Variants in LYZ observed in about 807,000 individuals in gnomAD.
LYZ encodes lysozyme C.
Under a neutral mutation model 15.8 loss-of-function variants are expected in LYZ, and 18 were observed. The ratio of observed to expected loss-of-function variants is 1.14; its 90% CI spans 0.79 to 1.69. The LOEUF (loss-of-function observed/expected upper bound fraction) is 1.69, where lower values mean the gene tolerates loss of function less well. LYZ is among the 40% of genes most tolerant of loss of function. The pLI, the probability that LYZ is intolerant of heterozygous loss-of-function variation, is 0.00. For missense variants in LYZ, 139 were observed against 182.8 expected, an observed-to-expected ratio of 0.76 and a Z score of 1.38; for synonymous variants, 60 against 61.7, an observed-to-expected ratio of 0.97 and a Z score of 0.13.
intron 2 of LYZ, among the ~76,000 whole-genome samples, chr12:69,351,494 T>C (rs1874843092): frequency 2.0e-5 from 3 of 152,070 alleles, no homozygotes; most frequent in Admixed American, 2.0e-4. Flanking sequence ...TAAATTCTGG[T>C]ATATATTCTT....
Position 69,350,180 on chromosome 12 carries a change from C to G in LYZ, c.209C>G (p.Thr70Ser), listed in dbSNP as rs1349579951. The change falls in exon 2 of 4, where the codon ACT becomes AGT. Residue 70 changes from threonine to serine, a missense_variant. Coordinates refer to ENST00000261267, the MANE Select transcript of LYZ (RefSeq NM_000239.3). ...AACTACAATGCTGGAGACAGAAGCA[C>G]TGATTATGGGATATTTCAGATCAAT... ...ATNYNAGDRS[T>S]DYGIFQINSR... 5.0e-6 allele frequency: 8 copies of G among 1,614,104 alleles called. No individual in the cohort carries two copies. The highest frequency in any genetic ancestry group is 1.7e-4 in the Middle Eastern group (1 of 6,060).
intron 1 of LYZ, among the ~76,000 whole-genome samples, chr12:69,349,337 A>G (rs1483514501): frequency 1.3e-5 from 2 of 152,114 alleles, no homozygotes; most frequent in African/African-American, 4.8e-5. Flanking sequence ...TTTTTAAAGA[A>G]TATATTGAAT....
chr12:69,352,263 G>C lies in LYZ; in HGVS notation c.345G>C (p.Lys115Asn). ...DNIADAVACA[K>N]RVVRDPQGIR... ...TCGCTGATGCTGTAGCTTGTGCAAA[G>C]AGGGTTGTCCGTGATCCACAAGGCA... The change falls in exon 3 of 4, where the codon AAG becomes AAC. Residue 115 changes from lysine (K) to asparagine (N), a missense_variant. Coordinates refer to ENST00000261267, the MANE Select transcript of LYZ (RefSeq NM_000239.3). The C allele has an allele frequency of 6.2e-7, 1 of 1,614,090 alleles. No individual in the cohort carries two copies.
chr12:69,351,461 ACC>A lies in LYZ; in HGVS notation c.302-757_302-756del, dbSNP rs1486662377. 3.3e-5 allele frequency among the ~76,000 whole-genome samples: 5 copies of A among 152,114 alleles called. No individual in the cohort carries two copies. The East Asian group carries it at 7.7e-4, about 23-fold the overall frequency. On this transcript the variant is annotated intron_variant, in intron 2 of 3. Coordinates refer to ENST00000261267, the MANE Select transcript of LYZ (RefSeq NM_000239.3). ...GAAAAATAACACCCATAATCTTACT[ACC>A]CAGAGGTTTATAACCATGGGTAAAT...
rs1419712729 is a variant in LYZ at position 69,348,539 on chromosome 12, CA to C, written c.134del (p.Asn45ThrfsTer67). 2 of 1,614,128 alleles carry C rather than the reference CA, an allele frequency of 1.2e-6. No homozygotes were observed. Among genetic ancestry groups the C allele is most frequent in the Non-Finnish European group, 8.5e-7 (1 of 1,180,024 alleles). On this transcript the variant is annotated frameshift_variant, in exon 1 of 4. Transcript: ENST00000261267. LOFTEE classifies it high-confidence loss of function. The part of the protein sequence containing the change: ...GMDGYRGISL[A>X]NWMCLAKWES... ...GATGGCTACAGGGGAATCAGCCTAG[CA>C]AACTGTAAGTCTACTCTCCATAATT...
At chr12:69,349,660 C>G (rs1874797435) in intron 1 of LYZ, among the ~76,000 whole-genome samples, 1 of 152,036 alleles carries the variant, frequency 6.6e-6, no homozygotes, top group African/African-American at 2.4e-5. Context: ...AACTTGATAT[C>G]CAAATTCACC....
Position 69,350,119 on chromosome 12 carries a change from G to T in LYZ, c.148G>T (p.Ala50Ser). ...TAAGTTCTTTTCAGGGATGTGTTTG[G>T]CCAAATGGGAGAGTGGTTACAACAC... The part of the protein sequence containing the change: ...GISLANWMCL[A>S]KWESGYNTRA... The change falls in exon 2 of 4, where the codon GCC becomes TCC. Residue 50 changes from alanine to serine, a missense_variant. Ala to Ser is a moderately conservative substitution (Grantham distance 99). Coordinates refer to ENST00000261267, the MANE Select transcript of LYZ (RefSeq NM_000239.3). 2 of 1,614,032 alleles carry T rather than the reference G, an allele frequency of 1.2e-6. No homozygotes were observed. Among genetic ancestry groups the T allele is most frequent in the Non-Finnish European group, 1.7e-6 (2 of 1,179,978 alleles).
chr12:69,352,143 C>A, intron 2 of LYZ, 77 bp from the exon 3 acceptor site: 1 of 943,344 alleles, frequency 1.1e-6, no homozygotes, highest in Non-Finnish European at 1.7e-6. Context: ...CACAGCCTAA[C>A]AGAAAAAAGC....
chr12:69,349,748 A>T (rs1378390973), intron 1 of LYZ, among the ~76,000 whole-genome samples: 2 of 152,190 alleles, frequency 1.3e-5, no homozygotes. Flanking sequence ...CCATCAGCCT[A>T]TGTATCTGCT....
chr12:69,352,343 T>A, intron 3 of LYZ, 45 bp downstream of exon 3: 1 of 1,460,138 alleles, frequency 6.8e-7, no homozygotes, highest in Non-Finnish European at 9.6e-7. Flanking sequence ...ACTCTACTGT[T>A]GATATATACA....
Position 69,353,321 on chromosome 12 carries a change from A to G in LYZ, c.*102A>G. The G allele has an allele frequency of 2.1e-6, 2 of 958,242 alleles. No individual in the cohort carries two copies. Among genetic ancestry groups the G allele is most frequent in the South Asian group, 2.6e-5 (2 of 77,370 alleles). The allele number at this position is 958,242 out of a possible 1,614,324, so 59.4% of individuals were successfully genotyped here. A position where few individuals can be genotyped will look rare whatever the true frequency, so the allele number is the denominator to read the frequency against. On this transcript the variant is annotated 3_prime_UTR_variant, in exon 4 of 4. Coordinates refer to ENST00000261267, the MANE Select transcript of LYZ (RefSeq NM_000239.3). Reference sequence around the variant, plus strand: ...ACCATTATTTCCCCTTCAAACAAATAATATTTTTACAGAAGCAGGAGCAAA... The same window carrying G: ...ACCATTATTTCCCCTTCAAACAAATGATATTTTTACAGAAGCAGGAGCAAA...
Position 69,353,324 on chromosome 12 carries a change from AT to A in LYZ, c.*110del. On this transcript the variant is annotated 3_prime_UTR_variant, in exon 4 of 4. Transcript: ENST00000261267. Reference sequence around the variant, plus strand: ...ATTATTTCCCCTTCAAACAAATAATATTTTTACAGAAGCAGGAGCAAAATAT... The same window carrying A: ...ATTATTTCCCCTTCAAACAAATAATATTTTACAGAAGCAGGAGCAAAATAT... 1 of 937,164 alleles carries A rather than the reference AT, an allele frequency of 1.1e-6. No individual in the cohort carries two copies. Among genetic ancestry groups the A allele is most frequent in the Non-Finnish European group, 1.8e-6 (1 of 565,834 alleles). The allele number at this position is 937,164 out of a possible 1,614,324, so 58.1% of individuals were successfully genotyped here.
chr12:69,348,509 G>GA lies in LYZ; in HGVS notation c.103dup (p.Met35AsnfsTer37), dbSNP rs781727930. 26 of 1,614,086 alleles carry GA rather than the reference G, an allele frequency of 1.6e-5. No individual in the cohort carries two copies. Among genetic ancestry groups the GA allele is most frequent in the Middle Eastern group, 1.6e-4 (1 of 6,084 alleles). ...TTGGCCAGAACTCTGAAAAGATTGG[G>GA]AATGGATGGCTACAGGGGAATCAGC... On this transcript the variant is annotated frameshift_variant, in exon 1 of 4. Coordinates refer to ENST00000261267, the MANE Select transcript of LYZ (RefSeq NM_000239.3). LOFTEE classifies it high-confidence loss of function.
Position 69,350,147 on chromosome 12 carries a change from G to A in LYZ, c.176G>A (p.Arg59Gln), listed in dbSNP as rs200770300. 2.0e-5 allele frequency: 33 copies of A among 1,614,068 alleles called. No homozygotes were observed. The highest frequency in any genetic ancestry group is 1.9e-4 in the African/African-American group (14 of 75,028). The change falls in exon 2 of 4, where the codon CGA becomes CAA. Residue 59 changes from arginine to glutamine, a missense_variant. Transcript: ENST00000261267. ...AAATGGGAGAGTGGTTACAACACAC[G>A]AGCTACAAACTACAATGCTGGAGAC... ...LAKWESGYNT[R>Q]ATNYNAGDRS... is the part of the protein sequence containing the mutation.
At position 69,348,528 on chromosome 12, in the gene LYZ, A is replaced by G. The variant is rs759386795; in HGVS notation, c.120A>G (p.Gly40=). ...LKRLGMDGYR[G]ISLANWMCLA... is the part of the protein sequence containing the mutation. ...GATTGGGAATGGATGGCTACAGGGG[A>G]ATCAGCCTAGCAAACTGTAAGTCTA... Residue 40 remains glycine, a synonymous_variant, in exon 1 of 4, where the codon GGA becomes GGG. Transcript: ENST00000261267. 5 of 1,614,188 alleles carry G rather than the reference A, an allele frequency of 3.1e-6. No individual in the cohort carries two copies. The South Asian group carries it at 5.5e-5, about 18-fold the overall frequency.
At chr12:69,351,156 T>G (rs1414595044) in intron 2 of LYZ, among the ~76,000 whole-genome samples, 1 of 152,118 alleles carries the variant, frequency 6.6e-6, no homozygotes, top group Non-Finnish European at 1.5e-5. Flanking sequence ...AAAATACAGT[T>G]CCTGTAGAAT....
At chr12:69,351,374 A>T (rs1054108996) in intron 2 of LYZ, among the ~76,000 whole-genome samples, 1 of 150,468 alleles carries the variant, frequency 6.6e-6, no homozygotes, top group African/African-American at 2.4e-5. Flanking sequence ...CCAGTTAATT[A>T]AAAAAATTTA....
chr12:69,349,960 A>G, intron 1 of LYZ, 148 bp from the exon 2 acceptor site: 1 of 673,784 alleles, frequency 1.5e-6, no homozygotes, highest in Non-Finnish European at 2.6e-6. Context: ...CCTTATCTTA[A>G]CACTAAAGTG....
intron 1 of LYZ, among the ~76,000 whole-genome samples, chr12:69,349,055 G>T (rs552815022): frequency 2.6e-5 from 4 of 152,232 alleles, no homozygotes; most frequent in African/African-American, 9.6e-5. Context: ...AGGCTGGAGT[G>T]CAGTGGCATG....
Sources: allele counts gnomAD v4.1 joint callset (sites outside exome capture counted in the v4.1 genomes callset), GRCh38; gene constraint gnomAD v4.1.1; transcripts MANE v1.5; gene names NCBI Gene and HGNC (gene_info 2026-07-23, HGNC 2026-07-21).